BBOX1: variants seen among roughly 807,000 people sequenced by gnomAD.
BBOX1 encodes gamma-butyrobetaine hydroxylase 1.
BBOX1 carries 35 observed loss-of-function variants against 41.6 expected under a neutral mutation model. That is an observed-to-expected ratio of 0.84 (90% CI 0.64 to 1.11). The LOEUF (loss-of-function observed/expected upper bound fraction) is 1.11. BBOX1 is among the 50% of genes most tolerant of loss of function. The pLI is 0.00. For missense variants in BBOX1, 458 were observed against 460.6 expected (o/e 0.99, Z 0.05); for synonymous variants, 163 against 154.7 (o/e 1.05, Z -0.40).
intron 4 of BBOX1, among the ~76,000 whole-genome samples, chr11:27,074,523 C>G (rs1319611294): frequency 1.3e-5 from 2 of 152,076 alleles, no homozygotes; most frequent in Non-Finnish European, 2.9e-5. Flanking sequence ...GGGAAATTTA[C>G]TGGGAACTGG....
At chr11:27,042,320 A>G (rs12385796) in intron 2 of BBOX1, among the ~76,000 whole-genome samples, 31,389 of 152,188 alleles carry the variant, frequency 0.21, 4,160 homozygotes, top group African/African-American at 0.38. Flanking sequence ...AACCTATTTT[A>G]GAGAATGCAC....
At chr11:27,068,672 C>G (rs562513693) in intron 4 of BBOX1, among the ~76,000 whole-genome samples, 1 of 152,072 alleles carries the variant, frequency 6.6e-6, no homozygotes, top group African/African-American at 2.4e-5. Flanking sequence ...AAGAGTTTTT[C>G]CTAGGTTATC....
intron 2 of BBOX1, among the ~76,000 whole-genome samples, 165 bp downstream of exon 2, chr11:27,041,643 TGG>T (rs1240097496): frequency 6.6e-6 from 1 of 152,198 alleles, no homozygotes; most frequent in Admixed American, 6.5e-5. Flanking sequence ...CACAGTCATG[TGG>T]GCTGTGCTGG....
In BBOX1 at chr11:27,060,609, C is replaced by T. The variant is rs186186106; in HGVS notation, c.334+3294C>T. ...TTCTTAAACATGTGTGGTAACTCTCCGTGGCTTTAAATGAGACTTATGACA... is the reference window on the plus strand; with the variant it reads ...TTCTTAAACATGTGTGGTAACTCTCTGTGGCTTTAAATGAGACTTATGACA... On this transcript the variant is annotated intron_variant, in intron 4 of 8. Transcript: ENST00000263182. Among the ~76,000 whole-genome samples the T allele has an allele frequency of 1.5e-4, 23 of 152,236 alleles. No individual in the cohort carries two copies. In the East Asian group the frequency reaches 4.1e-3, roughly 27 times the overall value.
At chr11:27,068,134 T>C (rs1208466606) in intron 4 of BBOX1, among the ~76,000 whole-genome samples, 1 of 151,584 alleles carries the variant, frequency 6.6e-6, no homozygotes. Context: ...CTACTTTTAA[T>C]TCTTTAAGAA....
At chr11:27,050,670 G>T (rs567639703) in intron 2 of BBOX1, among the ~76,000 whole-genome samples, 7 of 152,142 alleles carry the variant, frequency 4.6e-5, no homozygotes, top group Non-Finnish European at 8.8e-5. Flanking sequence ...TAAATGCTAC[G>T]AATATTTGTA....
chr11:27,045,214 A>T (rs1472062285), intron 2 of BBOX1, among the ~76,000 whole-genome samples: 1 of 152,034 alleles, frequency 6.6e-6, no homozygotes, highest in Non-Finnish European at 1.5e-5. Context: ...TTCACTCATG[A>T]TTTGGCTCTC....
At chr11:27,122,366 A>G (rs147997322) in intron 7 of BBOX1, among the ~76,000 whole-genome samples, 1 of 152,282 alleles carries the variant, frequency 6.6e-6, no homozygotes, top group African/African-American at 2.4e-5. Context: ...CAGTTAAAAA[A>G]ACGAAAACAA....
At chr11:27,071,522 T>C (rs923429722) in intron 4 of BBOX1, among the ~76,000 whole-genome samples, 3 of 152,086 alleles carry the variant, frequency 2.0e-5, no homozygotes, top group South Asian at 4.1e-4. Flanking sequence ...TGGGAGGCGA[T>C]TGAATCATGG....
rs1859631211 is a variant in BBOX1, at chr11:27,125,818, C to T, written c.1001C>T (p.Pro334Leu). The stretch of plus-strand genomic sequence containing the variant: ...TCCAAGTTTACCTTCAAGATGAATC[C>T]AGGTCAGTGAATACATTTTCTCAAA... ...KESKFTFKMNPGDVITFDNWR... is the reference protein window; with the variant it reads ...KESKFTFKMNLGDVITFDNWR... The change falls in exon 8 of 9, where the codon CCA becomes CTA. Residue 334 changes from proline to leucine, a missense_variant and splice_region_variant. Physicochemically the swap from Pro to Leu is moderately conservative, Grantham distance 98. Transcript: ENST00000263182. 1 of 1,606,382 alleles carries T rather than the reference C, an allele frequency of 6.2e-7. No individual in the cohort carries two copies. The highest frequency in any genetic ancestry group is 8.5e-7 in the Non-Finnish European group (1 of 1,177,410).
At chr11:27,087,845 T>C (rs1215635357) in intron 4 of BBOX1, among the ~76,000 whole-genome samples, 1 of 152,012 alleles carries the variant, frequency 6.6e-6, no homozygotes, top group Non-Finnish European at 1.5e-5. Context: ...AGAGCTATGG[T>C]TGAAAAAGTA....
chr11:27,106,902 T>G (rs147028274), intron 5 of BBOX1, among the ~76,000 whole-genome samples: 24,004 of 152,014 alleles, frequency 0.16, 2,218 homozygotes, highest in Middle Eastern at 0.24. Context: ...CAGACCACAG[T>G]ACAATCAAAC....
chr11:27,057,800 G>GTCTA (rs755746681), intron 4 of BBOX1, among the ~76,000 whole-genome samples: 2 of 149,492 alleles, frequency 1.3e-5, no homozygotes, highest in African/African-American at 2.5e-5. Flanking sequence ...GGGACAATTT[G>GTCTA]TGTGTGTGCA....
intron 2 of BBOX1, among the ~76,000 whole-genome samples, chr11:27,045,111 T>A (rs1282478743): frequency 1.3e-5 from 2 of 152,182 alleles, no homozygotes; most frequent in Non-Finnish European, 2.9e-5. Context: ...CCTTGAGCAA[T>A]GGTTTGTAGT....
chr11:27,112,515 C>G (rs1019347421), intron 5 of BBOX1, among the ~76,000 whole-genome samples: 1 of 151,718 alleles, frequency 6.6e-6, no homozygotes, highest in Non-Finnish European at 1.5e-5. Context: ...ACCTACAACC[C>G]TCTGATTTTC....
Position 27,057,273 on chromosome 11 carries a change from A to C in BBOX1, c.292A>C (p.Lys98Gln). The change falls in exon 4 of 9, where the codon AAG becomes CAG. Residue 98 changes from lysine (K) to glutamine (Q), a missense_variant. Lys to Gln is a moderately conservative substitution (Grantham distance 53). Transcript: ENST00000263182. ...TTGGCTGAAGAAAAGATGCTTTTCC[A>C]AGCAGGCCAGAGCAAAGCTCCAAAG... is the stretch of plus-strand genomic sequence containing the variant. ...ADWLKKRCFS[K>Q]QARAKLQREL... The C allele has an allele frequency of 1.2e-6, 2 of 1,611,814 alleles. No homozygotes were observed. Among genetic ancestry groups the C allele is most frequent in the Non-Finnish European group, 1.7e-6 (2 of 1,179,430 alleles).
chr11:27,076,136 C>T (rs1476428495), intron 4 of BBOX1, among the ~76,000 whole-genome samples: 1 of 152,162 alleles, frequency 6.6e-6, no homozygotes, highest in East Asian at 1.9e-4. Context: ...TGCTGCTGCT[C>T]CTCTGGGTCT....
intron 6 of BBOX1, 50 bp downstream of exon 6, chr11:27,115,607 C>A: frequency 1.3e-6 from 2 of 1,486,706 alleles, no homozygotes; most frequent in Non-Finnish European, 1.8e-6. Context: ...TGACCAGTAT[C>A]TTTTCGTATT....
chr11:27,099,629 A>G (rs1387925331), intron 5 of BBOX1, among the ~76,000 whole-genome samples: 2 of 152,114 alleles, frequency 1.3e-5, no homozygotes, highest in African/African-American at 4.8e-5. Flanking sequence ...GTACTGGATT[A>G]CGTCCTTGAC....
Sources: allele counts gnomAD v4.1 joint callset (sites outside exome capture counted in the v4.1 genomes callset), GRCh38; gene constraint gnomAD v4.1.1; transcripts MANE v1.5; gene names NCBI Gene and HGNC (gene_info 2026-07-23, HGNC 2026-07-21).